Variants in ERCC1 observed in about 807,000 individuals in gnomAD.
The protein encoded by ERCC1 is ERCC excision repair 1, endonuclease non-catalytic subunit.
In ERCC1, 36 loss-of-function variants were observed where a neutral mutation model predicts 37.6. That is an observed-to-expected ratio of 0.96 (90% CI 0.73 to 1.26). ERCC1 has a LOEUF of 1.26. ERCC1 is among the 50% of genes most tolerant of loss of function. The pLI is 0.00. For synonymous variants in ERCC1, 156 were observed against 162.1 expected, an observed-to-expected ratio of 0.96 and a Z score of 0.28; for missense variants, 349 against 376.5, an observed-to-expected ratio of 0.93 and a Z score of 0.60.
At chr19:45,424,925 T>TTC (rs1555789447), upstream of ERCC1, among the ~76,000 whole-genome samples, 2 of 143,558 alleles carry the variant, frequency 1.4e-5, no homozygotes, top group African/African-American at 2.8e-5. Flanking sequence ...TTTTTTTCTT[T>TTC]TTTTTTTTTT....
chr19:45,448,379 A>C lies in ERCC1; in HGVS notation c.-7-24998T>G, dbSNP rs144912603. On this transcript the variant is annotated intron_variant, in intron 1 of 8. Coordinates refer to the ERCC1 transcript ENST00000423698. ...AGCTGCGAGGGGCTTGGTGCTACTC[A>C]GATTTCTCCTAAGAATGTTTGGAAA... Among the ~76,000 whole-genome samples the C allele has an allele frequency of 3.4e-3, 514 of 152,288 alleles. 2 individuals carry two copies. Among genetic ancestry groups the C allele is most frequent in the African/African-American group, 0.012 (485 of 41,562 alleles).
upstream of ERCC1, chr19:45,424,352 A>G (rs3212930): frequency 0.17 from 26,179 of 152,432 alleles, 2,611 homozygotes; most frequent in Admixed American, 0.26. Flanking sequence ...AGTAAGGGAC[A>G]CAGACACGTT....
intron 1 of ERCC1, among the ~76,000 whole-genome samples, chr19:45,431,677 CA>C (rs35153099): frequency 8.8e-4 from 117 of 132,304 alleles, no homozygotes; most frequent in African/African-American, 1.2e-3. Context: ...AACTCCATCT[CA>C]AAAAAAAAAA....
At chr19:45,437,726 T>C (rs1157886773) in intron 1 of ERCC1, among the ~76,000 whole-genome samples, 1 of 152,172 alleles carries the variant, frequency 6.6e-6, no homozygotes, top group Non-Finnish European at 1.5e-5. Flanking sequence ...AAAGAGAAGA[T>C]GTTGATCAAA....
At position 45,420,257 on chromosome 19, in the gene ERCC1, G is replaced by A. The variant is rs555795485; in HGVS notation, c.425+67C>T. On this transcript the variant is annotated intron_variant, in intron 4 of 9. Transcript: ENST00000300853. The surrounding 1 kb of genome is among the most constrained non-coding windows in gnomAD (Gnocchi z 4.8). ...TTCTCATAGAACAGTCCAGAACACT[G>A]GGACATGACCCTCCCAGGCCAGTGG... is the stretch of plus-strand genomic sequence containing the variant. 336 of 1,031,356 alleles carry A rather than the reference G, an allele frequency of 3.3e-4. 1 individual carries two copies. The highest frequency in any genetic ancestry group is 1.5e-3 in the Admixed American group (79 of 52,058). 63.9% of individuals were successfully genotyped at this position (1,031,356 alleles called of 1,614,324 possible).
intron 6 of ERCC1, chr19:45,415,815 T>C (rs986807835): frequency 1.1e-5 from 5 of 455,696 alleles, no homozygotes; most frequent in Admixed American, 7.1e-5. Flanking sequence ...GGGCCAGTGG[T>C]TTGCTCTCTG....
rs1369144963 is a variant in ERCC1, at chr19:45,420,608, C to T, written c.322-181G>A. 6.6e-6 allele frequency among the ~76,000 whole-genome samples: 1 copy of T among 152,006 alleles called. No homozygotes were observed. Among genetic ancestry groups the T allele is most frequent in the East Asian group, 1.9e-4 (1 of 5,178 alleles). On this transcript the variant is annotated intron_variant, in intron 3 of 9. Coordinates refer to ENST00000300853, the MANE Select transcript of ERCC1 (RefSeq NM_001983.4). The surrounding 1 kb of genome is among the most constrained non-coding windows in gnomAD (Gnocchi z 4.8). ...CCTGTGGCAGGGTCTTTTCCAGCTTCTCTCTCCTCCTAACCCTGGACAGTC... is the reference window on the plus strand; with the variant it reads ...CCTGTGGCAGGGTCTTTTCCAGCTTTTCTCTCCTCCTAACCCTGGACAGTC...
At chr19:45,416,739 G>A in intron 6 of ERCC1, 82 bp downstream of exon 6, 1 of 1,020,410 alleles carries the variant, frequency 9.8e-7, no homozygotes, top group Non-Finnish European at 1.5e-6. Flanking sequence ...AAGGAGAAGG[G>A]AAGGGCTGGG....
rs919468697 is a variant in ERCC1, at chr19:45,420,467, A to T, written c.322-40T>A. On this transcript the variant is annotated intron_variant, in intron 3 of 9. Coordinates refer to ENST00000300853, the MANE Select transcript of ERCC1 (RefSeq NM_001983.4). This position sits in a 1 kb window ranked among gnomAD's most constrained non-coding sequence, Gnocchi z 4.8. ...AGGGCAGAAGCCATCAATAGGGATG[A>T]CCCTTGATAACCACAGGGCCCTCCT... 7.8e-7 allele frequency: 1 copy of T among 1,278,366 alleles called. No homozygotes were observed. The highest frequency in any genetic ancestry group is 1.5e-5 in the African/African-American group (1 of 66,348). 79.2% of individuals were successfully genotyped at this position (1,278,366 alleles called of 1,614,324 possible). A position where few individuals can be genotyped will look rare whatever the true frequency, so the allele number is the denominator to read the frequency against.
At position 45,409,326 on chromosome 19, in the gene ERCC1, C is replaced by T. The variant is rs368905711; in HGVS notation, c.*349G>A. 1.9e-6 allele frequency: 3 copies of T among 1,614,000 alleles called. No homozygotes were observed. The highest frequency in any genetic ancestry group is 1.7e-5 in the Admixed American group (1 of 60,006). On this transcript the variant is annotated 3_prime_UTR_variant, in exon 10 of 10. Coordinates refer to ENST00000300853, the MANE Select transcript of ERCC1 (RefSeq NM_001983.4). ...CTGCCAGGGGAGGGACAGCCTGAAG[C>T]CAGGGCAACTCCGGGATCCACCAAG... is the stretch of plus-strand genomic sequence containing the variant.
chr19:45,415,374 C>T (rs545388427), intron 6 of ERCC1, among the ~76,000 whole-genome samples: 10 of 149,412 alleles, frequency 6.7e-5, no homozygotes, highest in Non-Finnish European at 1.3e-4. Context: ...TGGTGGCTCA[C>T]GCCTATAATC....
chr19:45,432,331 T>G (rs922410861), intron 1 of ERCC1, among the ~76,000 whole-genome samples: 1 of 151,372 alleles, frequency 6.6e-6, no homozygotes, highest in African/African-American at 2.4e-5. Context: ...TTTTTAGAGA[T>G]GGGGGTCTTG....
intron 1 of ERCC1, among the ~76,000 whole-genome samples, chr19:45,450,030 C>G (rs570427739): frequency 6.6e-6 from 1 of 152,222 alleles, no homozygotes; most frequent in Non-Finnish European, 1.5e-5. Context: ...ATAATTAAAC[C>G]TATTTTATAC....
At chr19:45,410,314 G>C (rs937976467) in intron 9 of ERCC1, 1 of 152,260 alleles carries the variant, frequency 6.6e-6, no homozygotes, top group African/African-American at 2.4e-5. Flanking sequence ...CTCCCGAGTA[G>C]CTGGGCCTAA....
chr19:45,424,104 G>A (rs1270560130), upstream of ERCC1: 2 of 1,023,738 alleles, frequency 2.0e-6, no homozygotes, highest in African/African-American at 1.7e-5. Context: ...AATCCTGGCA[G>A]GGCTCAGTGG....
At chr19:45,410,081 G>A in intron 9 of ERCC1, 1 of 157,220 alleles carries the variant, frequency 6.4e-6, no homozygotes, top group Non-Finnish European at 1.4e-5. Context: ...TAGAGATGGG[G>A]TTTCACCACG....
intron 9 of ERCC1, 31 bp downstream of exon 9, chr19:45,413,646 A>G: frequency 6.2e-7 from 1 of 1,614,002 alleles, no homozygotes; most frequent in Non-Finnish European, 8.5e-7. Context: ...TCCTTCCCCC[A>G]ACTCCTTGGG....
At chr19:45,433,101 TGGATTA>T (rs1412188624) in intron 1 of ERCC1, among the ~76,000 whole-genome samples, 1 of 149,346 alleles carries the variant, frequency 6.7e-6, no homozygotes, top group African/African-American at 2.5e-5. Context: ...AATAAATAAA[TGGATTA>T]GGCCGGGTGC....
chr19:45,426,959 T>TCAAAAA (rs35772076), upstream of ERCC1, among the ~76,000 whole-genome samples: 6 of 92,460 alleles, frequency 6.5e-5, no homozygotes, highest in African/African-American at 9.4e-5. Context: ...AAACTCCATC[T>TCAAAAA]AAAAAAAAAA....
Sources: gnomAD v4.1 joint callset for allele counts (sites outside exome capture counted in the v4.1 genomes callset) on GRCh38, gnomAD v4.1.1 for gene constraint, Gnocchi (gnomAD v3.1) non-coding constraint, MANE v1.5 for transcripts, NCBI Gene and HGNC (gene_info 2026-07-23, HGNC 2026-07-21) for gene names.